Variants in TRAK1 observed in about 807,000 individuals in gnomAD.
The protein encoded by TRAK1 is trafficking kinesin protein 1.
TRAK1 carries 33 observed loss-of-function variants against 92.1 expected under a neutral mutation model. That is an observed-to-expected ratio of 0.36 (90% confidence interval 0.27 to 0.48). The LOEUF (loss-of-function observed/expected upper bound fraction) is 0.48. Ranked by LOEUF, TRAK1 falls within the 20% of genes least tolerant of loss-of-function variation. The pLI is 0.99. For synonymous variants in TRAK1, 521 were observed against 517.3 expected, an observed-to-expected ratio of 1.01 and a Z score of -0.10; for missense variants, 1,123 against 1,257.9, an observed-to-expected ratio of 0.89 and a Z score of 1.62.
chr3:42,052,639 A>C (rs1271770919), intron 1 of TRAK1, among the ~76,000 whole-genome samples: 1 of 152,236 alleles, frequency 6.6e-6, no homozygotes, highest in Admixed American at 6.5e-5. Context: ...CGTCATGTGA[A>C]GAAGTAACTG....
chr3:42,101,932 A>G (rs1463316902), intron 1 of TRAK1, among the ~76,000 whole-genome samples: 4 of 152,208 alleles, frequency 2.6e-5, no homozygotes, highest in Non-Finnish European at 4.4e-5. Context: ...GTTTCAGGTC[A>G]TTGAAAATCC....
chr3:42,059,418 G>A lies in TRAK1; in HGVS notation c.-518-27686G>A, dbSNP rs60536201. Reference sequence around the variant, plus strand: ...ACCTGAGTTAACCATATTTTAGAAAGATAATGACTTGTCTTCATCAGTTAT... The same window carrying A: ...ACCTGAGTTAACCATATTTTAGAAAAATAATGACTTGTCTTCATCAGTTAT... On this transcript the variant is annotated intron_variant, in intron 1 of 16. Coordinates refer to the TRAK1 transcript ENST00000487159. Among the ~76,000 whole-genome samples, 1,044 of 152,250 alleles carry A rather than the reference G, an allele frequency of 6.9e-3. 54 individuals are homozygous for A. The East Asian group carries it at 0.14, about 20-fold the overall frequency.
chr3:42,033,702 A>G (rs1702229521), intron 1 of TRAK1, among the ~76,000 whole-genome samples: 2 of 152,300 alleles, frequency 1.3e-5, no homozygotes, highest in Middle Eastern at 3.4e-3. Context: ...AGATAAGGCA[A>G]TATATATAAA....
chr3:42,119,591 C>T (rs1709582729), intron 1 of TRAK1, among the ~76,000 whole-genome samples: 1 of 152,212 alleles, frequency 6.6e-6, no homozygotes, highest in African/African-American at 2.4e-5. Flanking sequence ...TTTCAGGCAG[C>T]TGAGGTAGCT....
chr3:42,125,523 C>A lies in TRAK1; in HGVS notation c.195C>A (p.Asp65Glu). The change falls in exon 2 of 16, where the codon GAC becomes GAA. Residue 65 changes from aspartate (D) to glutamate (E), a missense_variant. By Grantham distance (45) the Asp-to-Glu change is conservative (BLOSUM62 2). This residue lies in a region of TRAK1 where 686 missense variants were observed against 747.6 expected (regional missense o/e 0.92). Transcript: ENST00000327628. ...KLRADTIYGYDHDDWLHTPLI... is the reference protein window; with the variant it reads ...KLRADTIYGYEHDDWLHTPLI... ...GAGCCGACACCATCTACGGTTATGA[C>A]CACGACGACTGGCTCCATACACCTC... 2 of 1,614,234 alleles carry A rather than the reference C, an allele frequency of 1.2e-6. No individual in the cohort carries two copies. The highest frequency in any genetic ancestry group is 1.7e-6 in the Non-Finnish European group (2 of 1,180,038).
rs3774381 is a variant in TRAK1, at chr3:42,195,707, C to T, written c.1113+766C>T. On this transcript the variant is annotated intron_variant, in intron 10 of 15. Transcript: ENST00000327628. ...GTCAGGCTAGAATAGCCACCACCCC[C>T]TCTCCGCCTCAAGAAGCTTCACTGA... Among the ~76,000 whole-genome samples the T allele has an allele frequency of 2.6e-3, 389 of 152,328 alleles. 7 individuals are homozygous for T. The East Asian group carries it at 0.068, about 26-fold the overall frequency.
rs184341644 is a variant in TRAK1 at position 42,182,544 on chromosome 3, C to T, written c.364-2141C>T. Among the ~76,000 whole-genome samples the T allele has an allele frequency of 5.4e-3, 828 of 152,164 alleles. 12 individuals are homozygous for T. Among genetic ancestry groups the T allele is most frequent in the African/African-American group, 0.019 (786 of 41,500 alleles). Reference sequence around the variant, plus strand: ...CTGACCTCAAGTGATCCCAAAGTGCCGGGATTACGGGTGAGAGCCACTGTG... The same window carrying T: ...CTGACCTCAAGTGATCCCAAAGTGCTGGGATTACGGGTGAGAGCCACTGTG... On this transcript the variant is annotated intron_variant, in intron 3 of 15. Transcript: ENST00000327628.
At chr3:42,218,981 C>T in intron 14 of TRAK1, 2 of 985,368 alleles carry the variant, frequency 2.0e-6, no homozygotes, top group Non-Finnish European at 2.4e-6. Flanking sequence ...CCAGCATCCC[C>T]AGGCCCCTTT....
In TRAK1 at chr3:42,051,913, C is replaced by A. The variant is rs138220555; in HGVS notation, c.-518-35191C>A. 7.8e-4 allele frequency among the ~76,000 whole-genome samples: 118 copies of A among 152,244 alleles called. 1 individual carries two copies. Among genetic ancestry groups the A allele is most frequent in the African/African-American group, 2.7e-3 (112 of 41,550 alleles). ...GATGTGTGTGGCTGAGATTTTTTTC[C>A]TTCTTAAACTTATTCCTCTTTGAGC... On this transcript the variant is annotated intron_variant, in intron 1 of 16. Transcript: ENST00000487159.
upstream of TRAK1, among the ~76,000 whole-genome samples, chr3:42,087,879 A>G (rs939358539): frequency 6.6e-6 from 1 of 152,248 alleles, no homozygotes; most frequent in Non-Finnish European, 1.5e-5. Flanking sequence ...ATGGATTTTT[A>G]CAGATACCTG....
chr3:42,200,745 T>A, intron 11 of TRAK1, 73 bp from the exon 12 acceptor site: 1 of 1,512,044 alleles, frequency 6.6e-7, no homozygotes. Flanking sequence ...GCTCAGTTGA[T>A]CATTTTTGGA....
At chr3:42,221,487 C>T (rs147164832) in intron 15 of TRAK1, among the ~76,000 whole-genome samples, 281 of 152,266 alleles carry the variant, frequency 1.8e-3, no homozygotes, top group African/African-American at 6.3e-3. Flanking sequence ...GTGTTTCCCA[C>T]GAGGGAGGGG....
At chr3:42,152,858 T>G (rs1370697462) in intron 2 of TRAK1, among the ~76,000 whole-genome samples, 1 of 152,166 alleles carries the variant, frequency 6.6e-6, no homozygotes, top group Non-Finnish European at 1.5e-5. Flanking sequence ...GCGCTGGCTG[T>G]CTGTGTTTGA....
intron 2 of TRAK1, among the ~76,000 whole-genome samples, chr3:42,127,073 G>A (rs1409754424): frequency 6.6e-6 from 1 of 152,136 alleles, no homozygotes; most frequent in African/African-American, 2.4e-5. Context: ...AAGTCATTTT[G>A]TTGATTCACA....
At chr3:42,079,295 T>G (rs1234708408) in intron 1 of TRAK1, among the ~76,000 whole-genome samples, 5 of 152,126 alleles carry the variant, frequency 3.3e-5, no homozygotes, top group African/African-American at 1.2e-4. Flanking sequence ...GTAAAATCCC[T>G]TGGTATATCA....
chr3:42,194,931 T>A lies in TRAK1; in HGVS notation c.1103T>A (p.Leu368Gln), dbSNP rs1193064633. 6.2e-7 allele frequency: 1 copy of A among 1,613,636 alleles called. No homozygotes were observed. The highest frequency in any genetic ancestry group is 1.3e-5 in the African/African-American group (1 of 74,912). Reference protein sequence around the residue: ...TTSRRYHSLGLFPMDSLAAEI... With the variant: ...TTSRRYHSLGQFPMDSLAAEI... The stretch of plus-strand genomic sequence containing the variant: ...TCTCGGCGCTACCACTCACTGGGCC[T>A]GTTTCCCATGGTGAGCTGTGCTTTC... The change falls in exon 10 of 16, where the codon CTG (leucine) becomes CAG (glutamine). Residue 368 changes from leucine (L) to glutamine (Q), a missense_variant. Transcript: ENST00000327628.
chr3:42,030,372 A>ATATATATATAT (rs1553701574), intron 1 of TRAK1, among the ~76,000 whole-genome samples: 18 of 132,316 alleles, frequency 1.4e-4, no homozygotes, highest in South Asian at 2.5e-4. Flanking sequence ...TAAAAAAAAA[A>ATATATATATAT]ATATATATAT....
chr3:42,193,764 G>C (rs1394488627), intron 8 of TRAK1, 60 bp from the exon 9 acceptor site: 1 of 1,566,812 alleles, frequency 6.4e-7, no homozygotes, highest in Non-Finnish European at 8.8e-7. Flanking sequence ...TTAATAAGAG[G>C]GAAAAAGTTG....
At chr3:42,190,563 C>G (rs947022803) in intron 6 of TRAK1, among the ~76,000 whole-genome samples, 1 of 152,148 alleles carries the variant, frequency 6.6e-6, no homozygotes. Context: ...GCACCTGCCC[C>G]AGGTAAATGC....
Sources: gnomAD v4.1 joint callset for allele counts (sites outside exome capture counted in the v4.1 genomes callset) on GRCh38, gnomAD v4.1.1 for gene constraint, gnomAD v4.1.1 regional missense constraint, MANE v1.5 for transcripts, NCBI Gene and HGNC (gene_info 2026-07-23, HGNC 2026-07-21) for gene names.